FHOD3: variants seen among roughly 807,000 people sequenced by gnomAD.
FHOD3 encodes the protein formin homology 2 domain containing 3.
FHOD3 carries 90 observed loss-of-function variants against 173.0 expected under a neutral mutation model. The ratio of observed to expected loss-of-function variants is 0.52; its 90% CI spans 0.44 to 0.62. FHOD3 has a LOEUF of 0.62. Among genes scored for constraint, FHOD3 ranks in the 20% least tolerant of loss-of-function variants. The pLI is 0.00. For synonymous variants in FHOD3, 828 were observed against 823.0 expected (o/e 1.01, Z -0.10); for missense variants, 1,945 against 2,034.7 (o/e 0.96, Z 0.85).
intron 5 of FHOD3, among the ~76,000 whole-genome samples, chr18:36,551,300 A>T (rs1190555387): frequency 6.6e-6 from 1 of 152,102 alleles, no homozygotes. Flanking sequence ...TTTTTATTGC[A>T]TCTATGTCCC....
intron 14 of FHOD3, among the ~76,000 whole-genome samples, chr18:36,671,697 G>T (rs62084008): frequency 0.12 from 17,587 of 152,272 alleles, 1,351 homozygotes; most frequent in Non-Finnish European, 0.17. Context: ...TACAACATGT[G>T]TTTTTGTGGC....
chr18:36,717,786 A>G lies in FHOD3; in HGVS notation c.2534-46A>G, dbSNP rs755795609. On this transcript the variant is annotated intron_variant, in intron 18 of 28. Transcript: ENST00000590592. ...TCTCATCGATTCTCTCATGGAAGTGAGGCCCCCTTGCCCCTTTCTCATTTT... is the reference window on the plus strand; with the variant it reads ...TCTCATCGATTCTCTCATGGAAGTGGGGCCCCCTTGCCCCTTTCTCATTTT... 4 of 1,515,464 alleles carry G rather than the reference A, an allele frequency of 2.6e-6. No homozygotes were observed. The South Asian group carries it at 4.1e-5, about 15-fold the overall frequency. The allele number at this position is 1,515,464 out of a possible 1,614,324, so 93.9% of individuals were successfully genotyped here. A position where few individuals can be genotyped will look rare whatever the true frequency, so the allele number is the denominator to read the frequency against.
intron 1 of FHOD3, among the ~76,000 whole-genome samples, chr18:36,348,233 T>C (rs2045957343): frequency 6.6e-6 from 1 of 152,232 alleles, no homozygotes; most frequent in Non-Finnish European, 1.5e-5. Context: ...AGCCACAAGC[T>C]TCATGGCTGC....
intron 3 of FHOD3, among the ~76,000 whole-genome samples, chr18:36,496,838 T>G (rs1001844335): frequency 2.0e-5 from 3 of 152,226 alleles, no homozygotes; most frequent in Admixed American, 1.3e-4. Context: ...GCTAGCCATT[T>G]GTATGAAGGA....
chr18:36,665,081 A>G (rs2037087910), intron 14 of FHOD3, among the ~76,000 whole-genome samples: 1 of 152,198 alleles, frequency 6.6e-6, no homozygotes, highest in Non-Finnish European at 1.5e-5. Flanking sequence ...TGACAGAGTG[A>G]GACCCTGTCT....
At chr18:36,700,719 T>C (rs2039536299) in intron 17 of FHOD3, among the ~76,000 whole-genome samples, 1 of 152,166 alleles carries the variant, frequency 6.6e-6, no homozygotes. Flanking sequence ...GGCTCTCCAT[T>C]ATCTACCACA....
At chr18:36,479,482 A>G (rs982150355) in intron 3 of FHOD3, among the ~76,000 whole-genome samples, 24 of 152,156 alleles carry the variant, frequency 1.6e-4, no homozygotes, top group Admixed American at 6.5e-4. Flanking sequence ...TAGTGTCATA[A>G]GTTTACAGCT....
chr18:36,744,407 C>G (rs964235620), intron 23 of FHOD3, among the ~76,000 whole-genome samples: 1 of 152,220 alleles, frequency 6.6e-6, no homozygotes, highest in Admixed American at 6.5e-5. Context: ...CAGATTCTTT[C>G]CTACTAAGGT....
intron 1 of FHOD3, among the ~76,000 whole-genome samples, chr18:36,313,926 C>T (rs1382633194): frequency 6.6e-6 from 1 of 151,592 alleles, no homozygotes; most frequent in Non-Finnish European, 1.5e-5. Context: ...CTCTGTTGCC[C>T]AGGCTGGAGT....
At chr18:36,517,531 G>C (rs537346084) in intron 5 of FHOD3, among the ~76,000 whole-genome samples, 1 of 152,316 alleles carries the variant, frequency 6.6e-6, no homozygotes, top group South Asian at 2.1e-4. Context: ...GAAACAGTAA[G>C]ACCAGCTACC....
At chr18:36,545,386 A>G (rs1240738415) in intron 5 of FHOD3, among the ~76,000 whole-genome samples, 3 of 152,228 alleles carry the variant, frequency 2.0e-5, no homozygotes, top group African/African-American at 7.2e-5. Context: ...GGCAGACACT[A>G]TTTATACAGG....
intron 5 of FHOD3, among the ~76,000 whole-genome samples, chr18:36,556,975 G>A (rs966595795): frequency 1.8e-4 from 27 of 152,128 alleles, no homozygotes; most frequent in African/African-American, 6.0e-4. Flanking sequence ...TTTCTCCAGC[G>A]CTGTAAATAT....
chr18:36,515,513 G>A (rs948549718), intron 5 of FHOD3, among the ~76,000 whole-genome samples: 2 of 152,176 alleles, frequency 1.3e-5, no homozygotes, highest in African/African-American at 2.4e-5. Flanking sequence ...CACTGCGCCC[G>A]GCCACAGCCA....
intron 3 of FHOD3, among the ~76,000 whole-genome samples, chr18:36,442,987 A>G (rs917323612): frequency 2.6e-5 from 4 of 152,096 alleles, no homozygotes; most frequent in South Asian, 4.1e-4. Context: ...GGTTTGTTTG[A>G]TGTTTCCTTG....
At chr18:36,369,203 G>T (rs943964264) in intron 2 of FHOD3, among the ~76,000 whole-genome samples, 1 of 152,138 alleles carries the variant, frequency 6.6e-6, no homozygotes, top group African/African-American at 2.4e-5. Context: ...GAAAGGCAGG[G>T]ATAAAATGAT....
intron 3 of FHOD3, among the ~76,000 whole-genome samples, chr18:36,485,241 G>T (rs534655889): frequency 5.3e-5 from 8 of 152,334 alleles, no homozygotes; most frequent in African/African-American, 1.9e-4. Context: ...CACCAGCGAT[G>T]AGCCTGCTGG....
chr18:36,715,488 AGACT>A (rs1305406168), intron 18 of FHOD3, among the ~76,000 whole-genome samples: 3 of 152,216 alleles, frequency 2.0e-5, no homozygotes, highest in African/African-American at 7.2e-5. Context: ...GCATGAGAAC[AGACT>A]AATACAAGCC....
At chr18:36,425,526 G>A (rs950395017) in intron 3 of FHOD3, among the ~76,000 whole-genome samples, 2 of 152,004 alleles carry the variant, frequency 1.3e-5, no homozygotes, top group African/African-American at 2.4e-5. Context: ...CAGAATAATA[G>A]CAAAAGTGGC....
At chr18:36,532,081 G>A (rs1004624358) in intron 5 of FHOD3, among the ~76,000 whole-genome samples, 1 of 152,174 alleles carries the variant, frequency 6.6e-6, no homozygotes, top group Non-Finnish European at 1.5e-5. Context: ...ATCTCCCTGC[G>A]GCGTGGCTTT....
Sources: gnomAD v4.1 joint callset for allele counts (sites outside exome capture counted in the v4.1 genomes callset) on GRCh38, gnomAD v4.1.1 for gene constraint, MANE v1.5 for transcripts, NCBI Gene and HGNC (gene_info 2026-07-23, HGNC 2026-07-21) for gene names.